Variants in MROH7 observed in about 807,000 individuals in gnomAD.
MROH7 encodes maestro heat like repeat family member 7.
In MROH7, 113 loss-of-function variants were observed where a neutral mutation model predicts 129.2. That is an observed-to-expected ratio of 0.87 (90% CI 0.75 to 1.02). The LOEUF is 1.02. Among genes scored for constraint, MROH7 ranks in the 50% least tolerant of loss-of-function variants. The probability of loss-of-function intolerance (pLI) is 0.00; values close to 1 mark genes in which losing one functional copy is unlikely to be tolerated. For synonymous variants in MROH7, 655 were observed against 667.9 expected, an observed-to-expected ratio of 0.98 and a Z score of 0.30; for missense variants, 1,601 against 1,671.3, an observed-to-expected ratio of 0.96 and a Z score of 0.73.
rs1314400613 is a variant in MROH7 at position 54,701,313 on chromosome 1, C to T, written c.3276C>T (p.His1092=). The T allele has an allele frequency of 6.3e-7, 1 of 1,592,190 alleles. No homozygotes were observed. The highest frequency in any genetic ancestry group is 8.6e-7 in the Non-Finnish European group (1 of 1,165,910). Residue 1092 remains histidine, a synonymous_variant, in exon 19 of 24, where the codon CAC becomes CAT. Transcript: ENST00000421030. The part of the protein sequence containing the change: ...YVEMLQILLP[H]FSDAREVVRS... ...AGATGCTGCAGATCCTGCTGCCGCA[C>T]TTCAGCGACGTGAGGACCTCACAGA...
chr1:54,658,860 T>C (rs1457788159), intron 3 of MROH7, among the ~76,000 whole-genome samples: 2 of 152,118 alleles, frequency 1.3e-5, no homozygotes, highest in African/African-American at 4.8e-5. Context: ...CTCTACTTAG[T>C]AGATGCTAGT....
In MROH7 at chr1:54,666,717, G is replaced by A. The variant is rs566970200; in HGVS notation, c.1305+1477G>A. 6.4e-4 allele frequency among the ~76,000 whole-genome samples: 98 copies of A among 152,144 alleles called. 2 individuals carry two copies. In the Middle Eastern group the frequency reaches 0.014, roughly 21 times the overall value. Reference sequence around the variant, plus strand: ...CTGCCTAAGCCTTCCAAAGTGCTGGGATTATAGCAGTGAGCCACCACACCC... The same window carrying A: ...CTGCCTAAGCCTTCCAAAGTGCTGGAATTATAGCAGTGAGCCACCACACCC... On this transcript the variant is annotated intron_variant, in intron 4 of 23. Transcript: ENST00000421030.
chr1:54,662,365 G>A (rs1644745811), intron 3 of MROH7, among the ~76,000 whole-genome samples: 1 of 151,656 alleles, frequency 6.6e-6, no homozygotes, highest in African/African-American at 2.4e-5. Context: ...GTGAAACCCT[G>A]TCTCTACTGA....
At chr1:54,676,169 C>A (rs1040112699) in intron 10 of MROH7, among the ~76,000 whole-genome samples, 1 of 151,984 alleles carries the variant, frequency 6.6e-6, no homozygotes. Context: ...TTTGGCAACC[C>A]TAGGCCAAAC....
At chr1:54,663,642 G>A in intron 3 of MROH7, 1 of 365,452 alleles carries the variant, frequency 2.7e-6, no homozygotes. Flanking sequence ...CCAAAGTGCT[G>A]GGATTACTGG....
rs959658056 is a variant in MROH7, at chr1:54,672,562, T to C, written c.1600-529T>C. On this transcript the variant is annotated intron_variant, in intron 7 of 23. Transcript: ENST00000421030. The stretch of plus-strand genomic sequence containing the variant: ...TTAAGGGGCAACTTGGAAAACGTAT[T>C]TGGGCCTAGGAGAAGCAATTCAAAA... Among the ~76,000 whole-genome samples the C allele has an allele frequency of 3.9e-5, 6 of 152,070 alleles. No individual in the cohort carries two copies. In the East Asian group the frequency reaches 9.7e-4, roughly 25 times the overall value.
At chr1:54,661,325 G>A (rs1414782138) in intron 3 of MROH7, among the ~76,000 whole-genome samples, 1 of 152,018 alleles carries the variant, frequency 6.6e-6, no homozygotes, top group East Asian at 1.9e-4. Flanking sequence ...TGATCCTCCT[G>A]CCTCAGCCTC....
At position 54,678,807 on chromosome 1, in the gene MROH7, C is replaced by T. The variant is rs751725112; in HGVS notation, c.2002C>T (p.Pro668Ser). 9 of 1,614,070 alleles carry T rather than the reference C, an allele frequency of 5.6e-6. No individual in the cohort carries two copies. Among genetic ancestry groups the T allele is most frequent in the Non-Finnish European group, 7.6e-6 (9 of 1,179,988 alleles). ...TGAGAGCAACAAGCATTTCCTGGGG[C>T]CCTACAACCCTGTGAGCCCGTGCCA... Reference protein sequence around the residue: ...LYESNKHFLGPYNPVSPCQNI... With the variant: ...LYESNKHFLGSYNPVSPCQNI... The change falls in exon 11 of 24, where the codon CCC becomes TCC. Residue 668 changes from proline to serine, a missense_variant. Pro to Ser is a moderately conservative substitution (Grantham distance 74). Coordinates refer to ENST00000421030, the MANE Select transcript of MROH7 (RefSeq NM_001039464.4).
chr1:54,668,703 A>G (rs1380156842), intron 4 of MROH7, 151 bp from the exon 5 acceptor site: 7 of 615,092 alleles, frequency 1.1e-5, no homozygotes, highest in East Asian at 2.8e-5. Flanking sequence ...ACCCCACCCC[A>G]AGCTCCCCTT....
At chr1:54,674,749 G>A (rs1232360337) in intron 10 of MROH7, among the ~76,000 whole-genome samples, 1 of 152,164 alleles carries the variant, frequency 6.6e-6, no homozygotes, top group Non-Finnish European at 1.5e-5. Flanking sequence ...GTACCTAGAG[G>A]TGCACAGTAT....
At chr1:54,688,565 GT>G (rs1645186594) in intron 15 of MROH7, among the ~76,000 whole-genome samples, 1 of 152,132 alleles carries the variant, frequency 6.6e-6, no homozygotes, top group Non-Finnish European at 1.5e-5. Flanking sequence ...CACCTAGAAT[GT>G]TGTATTTTGG....
At position 54,700,691 on chromosome 1, in the gene MROH7, G is replaced by A. The variant is rs919310382; in HGVS notation, c.3105+230G>A. On this transcript the variant is annotated intron_variant, in intron 18 of 23. Transcript: ENST00000421030. The stretch of plus-strand genomic sequence containing the variant: ...TTCACAATGATTCTAAAGGCAGTGT[G>A]TATAGGAAGGGCAAAGGGTGGCACA... 2.0e-5 allele frequency among the ~76,000 whole-genome samples: 3 copies of A among 152,238 alleles called. No homozygotes were observed. In the South Asian group the frequency reaches 6.2e-4, roughly 31 times the overall value.
At chr1:54,670,700 C>T in intron 6 of MROH7, 100 bp from the exon 7 acceptor site, 1 of 1,476,114 alleles carries the variant, frequency 6.8e-7, no homozygotes, top group African/African-American at 1.4e-5. Context: ...TGCCTTTTCC[C>T]CTCCCCTTGC....
intron 23 of MROH7, 41 bp from the exon 24 acceptor site, chr1:54,709,905 C>T (rs758165864): frequency 2.0e-5 from 32 of 1,596,204 alleles, no homozygotes; most frequent in Non-Finnish European, 2.7e-5. Flanking sequence ...ACATAGGGCC[C>T]TGGGTCTTAA....
At chr1:54,663,394 A>G (rs967025490) in intron 3 of MROH7, among the ~76,000 whole-genome samples, 1 of 151,770 alleles carries the variant, frequency 6.6e-6, no homozygotes, top group African/African-American at 2.4e-5. Context: ...TTTTTTTGAG[A>G]TGAAATATTG....
chr1:54,670,660 TCCCCC>T, intron 6 of MROH7, 84 bp downstream of exon 6: 2 of 1,061,800 alleles, frequency 1.9e-6, no homozygotes, highest in Non-Finnish European at 2.7e-6. Flanking sequence ...CGCTGTACCC[TCCCCC>T]AACCCGCCCC....
intron 10 of MROH7, among the ~76,000 whole-genome samples, chr1:54,677,046 G>T (rs1311697392): frequency 1.3e-5 from 2 of 152,020 alleles, no homozygotes; most frequent in African/African-American, 4.8e-5. Flanking sequence ...TCTCCATGTT[G>T]CCCAGGCTGA....
intron 15 of MROH7, among the ~76,000 whole-genome samples, chr1:54,690,256 G>A (rs1302488971): frequency 6.6e-6 from 1 of 151,690 alleles, no homozygotes; most frequent in Non-Finnish European, 1.5e-5. Flanking sequence ...TATAACTTTG[G>A]GAGTGGGGTG....
At chr1:54,646,870 A>G (rs942300165) in intron 1 of MROH7, among the ~76,000 whole-genome samples, 7 of 152,174 alleles carry the variant, frequency 4.6e-5, no homozygotes, top group Non-Finnish European at 1.0e-4. Context: ...TATTCTGGAT[A>G]TTTTATATAA....
Sources: allele counts gnomAD v4.1 joint callset (sites outside exome capture counted in the v4.1 genomes callset), GRCh38; gene constraint gnomAD v4.1.1; transcripts MANE v1.5; gene names NCBI Gene and HGNC (gene_info 2026-07-23, HGNC 2026-07-21).